Variants in QPRT observed in about 807,000 individuals in gnomAD.
QPRT encodes the protein nicotinate-nucleotide pyrophosphorylase [carboxylating].
Under a neutral mutation model 19.8 loss-of-function variants are expected in QPRT, and 17 were observed. That is an observed-to-expected ratio of 0.86 (90% CI 0.59 to 1.29). The LOEUF is 1.29. Among genes scored for constraint, QPRT ranks in the 50% most tolerant of loss-of-function variants. The probability of loss-of-function intolerance (pLI) is 0.00; values close to 1 mark genes in which losing one functional copy is unlikely to be tolerated. For synonymous variants in QPRT, 178 were observed against 191.0 expected (o/e 0.93, Z 0.56); for missense variants, 336 against 405.1 (o/e 0.83, Z 1.46).
chr16:29,686,412 A>G (rs1967162459), intron 1 of QPRT, among the ~76,000 whole-genome samples: 1 of 152,164 alleles, frequency 6.6e-6, no homozygotes, highest in South Asian at 2.1e-4. Context: ...CCATGAGTCC[A>G]CCACACTTGA....
chr16:29,694,833 T>C lies in QPRT; in HGVS notation c.183T>C (p.Asp61=). 1 of 1,614,088 alleles carries C rather than the reference T, an allele frequency of 6.2e-7. No homozygotes were observed. The highest frequency in any genetic ancestry group is 8.5e-7 in the Non-Finnish European group (1 of 1,179,962). ...TACTGGCAGGGCAGCCTTTCTTCGA[T>C]GCCATATTTACCCAACTCAACTGCC... The part of the protein sequence containing the change: ...PGVLAGQPFF[D]AIFTQLNCQV... The change falls in exon 2 of 4, where the codon GAT becomes GAC. Residue 61 remains aspartate (D), a synonymous_variant. Coordinates refer to ENST00000395384, the MANE Select transcript of QPRT (RefSeq NM_014298.6).
At chr16:29,687,719 C>T (rs887342240) in intron 1 of QPRT, among the ~76,000 whole-genome samples, 1 of 151,796 alleles carries the variant, frequency 6.6e-6, no homozygotes, top group African/African-American at 2.4e-5. Context: ...GGGTCCATCC[C>T]TTTTCCATTG....
chr16:29,687,326 C>T (rs1002038955), intron 1 of QPRT, among the ~76,000 whole-genome samples: 6 of 152,182 alleles, frequency 3.9e-5, no homozygotes, highest in African/African-American at 1.2e-4. Flanking sequence ...TTGGTCAAAA[C>T]GGCCAAATAT....
chr16:29,686,270 C>T (rs1417863446), intron 1 of QPRT, among the ~76,000 whole-genome samples: 1 of 152,102 alleles, frequency 6.6e-6, no homozygotes, highest in Admixed American at 6.6e-5. Flanking sequence ...CTGTGAATCC[C>T]ACACTGCCCC....
chr16:29,679,706 G>A (rs1171215404), intron 1 of QPRT, among the ~76,000 whole-genome samples: 1 of 152,144 alleles, frequency 6.6e-6, no homozygotes, highest in African/African-American at 2.4e-5. Flanking sequence ...CATGAAGTCC[G>A]GTGGCAACAA....
rs185965532 is a variant in QPRT, at chr16:29,684,612, G to A, written c.13+5402G>A. Among the ~76,000 whole-genome samples the A allele has an allele frequency of 7.9e-3, 1,196 of 152,244 alleles. 20 individuals are homozygous for A. Among genetic ancestry groups the A allele is most frequent in the African/African-American group, 0.028 (1,144 of 41,538 alleles). ...TCCTCCCGCCTCGGCCTCCCAAAGC[G>A]CTGGGATTACAGGCGTGAGCCACCG... On this transcript the variant is annotated intron_variant, in intron 1 of 3. Coordinates refer to ENST00000395384, the MANE Select transcript of QPRT (RefSeq NM_014298.6).
At chr16:29,693,826 G>A (rs192033242) in intron 1 of QPRT, among the ~76,000 whole-genome samples, 114 of 152,166 alleles carry the variant, frequency 7.5e-4, no homozygotes, top group Non-Finnish European at 1.3e-3. Context: ...CTGACCTCAG[G>A]TGATCCTCCC....
rs924025981 is a variant in QPRT at position 29,697,679 on chromosome 16, G to A, written c.*268G>A. On this transcript the variant is annotated 3_prime_UTR_variant, in exon 4 of 4. Transcript: ENST00000395384. This position sits in a 1 kb window ranked among gnomAD's most constrained non-coding sequence, Gnocchi z 4.4. The stretch of plus-strand genomic sequence containing the variant: ...ATAATGAGCACATAGTGAGGGGTCA[G>A]CAAATGTCAGAAGTTACCTGGGACA... The A allele has an allele frequency of 4.6e-6, 2 of 439,524 alleles. No individual in the cohort carries two copies. Among genetic ancestry groups the A allele is most frequent in the Non-Finnish European group, 8.1e-6 (2 of 247,424 alleles). The allele number at this position is 439,524 out of a possible 1,614,324, so 27.2% of individuals were successfully genotyped here. A position where few individuals can be genotyped will look rare whatever the true frequency, so the allele number is the denominator to read the frequency against.
In QPRT at chr16:29,694,894, G is replaced by A; in HGVS notation, c.244G>A (p.Val82Met). ...GTTCCTCCCCGAGGGATCGAAGCTG[G>A]TGCCGGTGGCCAGAGTGGCCGAGGT... is the stretch of plus-strand genomic sequence containing the variant. The part of the protein sequence containing the change: ...SWFLPEGSKL[V>M]PVARVAEVRG... The change falls in exon 2 of 4, where the codon GTG becomes ATG. Residue 82 changes from valine (V) to methionine (M), a missense_variant. Val to Met is a conservative substitution (Grantham distance 21). Transcript: ENST00000395384. 6.2e-7 allele frequency: 1 copy of A among 1,614,042 alleles called. No individual in the cohort carries two copies. Among genetic ancestry groups the A allele is most frequent in the East Asian group, 2.2e-5 (1 of 44,874 alleles).
intron 1 of QPRT, among the ~76,000 whole-genome samples, chr16:29,686,048 C>T (rs9940532): frequency 0.57 from 86,495 of 151,652 alleles, 27,123 homozygotes; most frequent in South Asian, 0.79. Context: ...TTAGTAGAGA[C>T]GGGGTTTCAC....
Position 29,694,810 on chromosome 16 carries a change from C to T in QPRT, c.160C>T (p.Leu54=). ...GCTGTGGGCCAAATCCCCTGGGGTA[C>T]TGGCAGGGCAGCCTTTCTTCGATGC... ...AALWAKSPGV[L]AGQPFFDAIF... is the part of the protein sequence containing the mutation. Residue 54 remains leucine (L), a synonymous_variant, in exon 2 of 4, where the codon CTG becomes TTG. Transcript: ENST00000395384. The T allele has an allele frequency of 6.2e-7, 1 of 1,614,074 alleles. No individual in the cohort carries two copies. The highest frequency in any genetic ancestry group is 8.5e-7 in the Non-Finnish European group (1 of 1,179,948).
intron 1 of QPRT, among the ~76,000 whole-genome samples, chr16:29,692,942 C>T (rs1226932041): frequency 6.7e-6 from 1 of 150,190 alleles, no homozygotes; most frequent in East Asian, 2.0e-4. Flanking sequence ...GCGCCTGTAA[C>T]CCCAGCCACT....
chr16:29,694,375 T>C (rs1265179617), intron 1 of QPRT, among the ~76,000 whole-genome samples: 1 of 151,306 alleles, frequency 6.6e-6, no homozygotes, highest in East Asian at 2.0e-4. Context: ...CGCCTCGGCC[T>C]CTCAAAGTAC....
rs766772375 is a variant in QPRT, at chr16:29,697,302, C to T, written c.785C>T (p.Pro262Leu). 8 of 1,614,052 alleles carry T rather than the reference C, an allele frequency of 5.0e-6. No individual in the cohort carries two copies. Among genetic ancestry groups the T allele is most frequent in the Middle Eastern group, 1.6e-4 (1 of 6,084 alleles). ...GACAACCTCCCCCAGTTCTGCGGGCCGCACATAGACGTCATCTCCATGGGG... is the reference window on the plus strand; with the variant it reads ...GACAACCTCCCCCAGTTCTGCGGGCTGCACATAGACGTCATCTCCATGGGG... ...TLDNLPQFCGPHIDVISMGML... is the reference protein window; with the variant it reads ...TLDNLPQFCGLHIDVISMGML... Residue 262 changes from proline (P) to leucine (L), a missense_variant, in exon 4 of 4, where the codon CCG (proline) becomes CTG (leucine). Pro to Leu is a moderately conservative substitution (Grantham distance 98). Coordinates refer to ENST00000395384, the MANE Select transcript of QPRT (RefSeq NM_014298.6). The surrounding 1 kb of genome is among the most constrained non-coding windows in gnomAD (Gnocchi z 4.4).
At chr16:29,694,124 A>G (rs976724998) in intron 1 of QPRT, among the ~76,000 whole-genome samples, 2 of 150,202 alleles carry the variant, frequency 1.3e-5, no homozygotes, top group African/African-American at 4.9e-5. Flanking sequence ...TCAGAAGTTT[A>G]ATTTTTTTTT....
chr16:29,697,116 T>C lies in QPRT; in HGVS notation c.670T>C (p.Phe224Leu), dbSNP rs201149563. 1.9e-5 allele frequency: 31 copies of C among 1,606,846 alleles called. No homozygotes were observed. The African/African-American group carries it at 3.3e-4, about 17-fold the overall frequency. ...TGCCGACCTTGTCCTGCTGGACAACTTCAAGCCAGAGGTAAGGTGGGCTCT... is the reference window on the plus strand; with the variant it reads ...TGCCGACCTTGTCCTGCTGGACAACCTCAAGCCAGAGGTAAGGTGGGCTCT... The part of the protein sequence containing the change: ...AGADLVLLDN[F>L]KPEELHPTAT... The change falls in exon 3 of 4, where the codon TTC becomes CTC. Residue 224 changes from phenylalanine to leucine, a missense_variant. By Grantham distance (22) the Phe-to-Leu change is conservative. Coordinates refer to ENST00000395384, the MANE Select transcript of QPRT (RefSeq NM_014298.6). The surrounding 1 kb of genome is among the most constrained non-coding windows in gnomAD (Gnocchi z 4.4).
intron 1 of QPRT, among the ~76,000 whole-genome samples, chr16:29,685,073 C>G (rs1967122696): frequency 6.6e-6 from 1 of 152,260 alleles, no homozygotes; most frequent in Non-Finnish European, 1.5e-5. Flanking sequence ...GCTACTAATT[C>G]TGGTAGATCC....
At chr16:29,682,200 AAAT>A (rs1967026759) in intron 1 of QPRT, among the ~76,000 whole-genome samples, 1 of 137,992 alleles carries the variant, frequency 7.2e-6, no homozygotes, top group African/African-American at 2.9e-5. Flanking sequence ...TGGCTAATTA[AAAT>A]AAATTTTTTT....
Position 29,688,619 on chromosome 16 carries a change from AAGCAATTCTCGTGCCTC to A in QPRT, c.14-6041_14-6025del. On this transcript the variant is annotated intron_variant, in intron 1 of 3. Transcript: ENST00000395384. ...ACTGCAAACTCTGCCTCCTAGGTTC[AAGCAATTCTCGTGCCTC>A]AGCCTCCCGAGGAGCTGGGATTACA... Among the ~76,000 whole-genome samples, 3 of 152,162 alleles carry A rather than the reference AAGCAATTCTCGTGCCTC, an allele frequency of 2.0e-5. No homozygotes were observed. The East Asian group carries it at 5.8e-4, about 29-fold the overall frequency.
Sources: allele counts gnomAD v4.1 joint callset (sites outside exome capture counted in the v4.1 genomes callset), GRCh38; gene constraint gnomAD v4.1.1; non-coding constraint Gnocchi (gnomAD v3.1); transcripts MANE v1.5; gene names NCBI Gene and HGNC (gene_info 2026-07-23, HGNC 2026-07-21).